Variants in KIAA1614 observed in about 807,000 individuals in gnomAD.
The protein encoded by KIAA1614 is uncharacterized protein KIAA1614.
A neutral mutation model predicts 88.7 loss-of-function variants in KIAA1614; 76 were observed. The ratio of observed to expected loss-of-function variants is 0.86; its 90% CI spans 0.71 to 1.04. The LOEUF is 1.04. Ranked by LOEUF, KIAA1614 falls within the 50% of genes least tolerant of loss-of-function variation. The pLI, the probability that KIAA1614 is intolerant of heterozygous loss-of-function variation, is 0.00. For synonymous variants in KIAA1614, 714 were observed against 675.5 expected, an observed-to-expected ratio of 1.06 and a Z score of -0.88; for missense variants, 1,553 against 1,582.5, an observed-to-expected ratio of 0.98 and a Z score of 0.32.
intron 4 of KIAA1614, among the ~76,000 whole-genome samples, chr1:180,930,167 C>G (rs1479050392): frequency 1.3e-5 from 2 of 152,158 alleles, no homozygotes; most frequent in African/African-American, 4.8e-5. Flanking sequence ...CGCCTGTAAT[C>G]CCACCACTTT....
chr1:180,916,657 C>G lies in KIAA1614; in HGVS notation c.554C>G (p.Pro185Arg). ...PGREYCNRGS[P>R]WPPEAEWTLP... Reference sequence around the variant, plus strand: ...CGTGAGTACTGCAACAGGGGGAGCCCGTGGCCTCCAGAAGCCGAATGGACA... The same window carrying G: ...CGTGAGTACTGCAACAGGGGGAGCCGGTGGCCTCCAGAAGCCGAATGGACA... The change falls in exon 2 of 9, where the codon CCG becomes CGG. Residue 185 changes from proline to arginine, a missense_variant. Coordinates refer to ENST00000367588, the MANE Select transcript of KIAA1614 (RefSeq NM_020950.2). 6.2e-7 allele frequency: 1 copy of G among 1,600,650 alleles called. No homozygotes were observed. Among genetic ancestry groups the G allele is most frequent in the South Asian group, 1.1e-5 (1 of 89,334 alleles).
intron 5 of KIAA1614, among the ~76,000 whole-genome samples, chr1:180,937,932 G>A (rs982002271): frequency 6.6e-6 from 1 of 152,208 alleles, no homozygotes; most frequent in African/African-American, 2.4e-5. Context: ...CCTTTACCTT[G>A]GAGCTTGAAG....
rs1465637754 is a variant in KIAA1614 at position 180,945,503 on chromosome 1, T to C, written c.3488T>C (p.Leu1163Pro). ...CCAGACTCAGGTATGCCCTCTCCTC[T>C]TCCTCAGCCCCATGGCTGGGGCGGC... ...GRPDSGMPSP[L>P]PQPHGWGGLS... Residue 1163 changes from leucine (L) to proline (P), a missense_variant, in exon 9 of 9, where the codon CTT becomes CCT. Physicochemically the swap from Leu to Pro is moderately conservative, Grantham distance 98. Transcript: ENST00000367588. The C allele has an allele frequency of 6.2e-7, 1 of 1,613,638 alleles. No individual in the cohort carries two copies. Among genetic ancestry groups the C allele is most frequent in the Admixed American group, 1.7e-5 (1 of 59,972 alleles).
At chr1:180,917,767 T>C (rs534575119) in intron 2 of KIAA1614, 84 bp from the exon 3 acceptor site, 5 of 1,109,728 alleles carry the variant, frequency 4.5e-6, no homozygotes, top group East Asian at 2.4e-5. Context: ...CTGGAGAAAC[T>C]CTTCTCCTCA....
At chr1:180,926,009 G>T (rs1006276347) in intron 3 of KIAA1614, among the ~76,000 whole-genome samples, 5 of 152,198 alleles carry the variant, frequency 3.3e-5, no homozygotes, top group Admixed American at 6.5e-5. Flanking sequence ...CTGAGGCCCA[G>T]GGAGGAAAAG....
rs767282754 is a variant in KIAA1614 at position 180,944,465 on chromosome 1, G to T, written c.3236G>T (p.Arg1079Leu). 1.2e-6 allele frequency: 2 copies of T among 1,613,834 alleles called. No homozygotes were observed. The highest frequency in any genetic ancestry group is 1.7e-6 in the Non-Finnish European group (2 of 1,179,816). Residue 1079 changes from arginine (R) to leucine (L), a missense_variant, in exon 8 of 9, where the codon CGG (arginine) becomes CTG (leucine). Coordinates refer to ENST00000367588, the MANE Select transcript of KIAA1614 (RefSeq NM_020950.2). ...TCTCTGCTGAGCAGCAAGGGGAACC[G>T]GTCCAGCCTCTACCTGGTAGCAGGG... ...LHSLLSSKGN[R>L]SSLYLVAGPG...
chr1:180,916,979 C>A lies in KIAA1614; in HGVS notation c.876C>A (p.Ser292=). The change falls in exon 2 of 9, where the codon TCC becomes TCA. Residue 292 remains serine (S), a synonymous_variant. Transcript: ENST00000367588. ...EALGAGSSVL[S]LSDRVERNRL... ...TGGGCGCTGGGAGCAGTGTCTTGTC[C>A]CTGTCTGATCGGGTGGAGAGAAACC... 6 of 1,614,136 alleles carry A rather than the reference C, an allele frequency of 3.7e-6. No homozygotes were observed. Among genetic ancestry groups the A allele is most frequent in the Non-Finnish European group, 4.2e-6 (5 of 1,180,036 alleles).
Position 180,951,126 on chromosome 1 carries a change from G to A in KIAA1614, c.*5538G>A, listed in dbSNP as rs150183364. On this transcript the variant is annotated 3_prime_UTR_variant, in exon 9 of 9. Coordinates refer to ENST00000367588, the MANE Select transcript of KIAA1614 (RefSeq NM_020950.2). ...CAGGAGTTTTATGCCCCTTCGGGGT[G>A]TGGGAATTCTGGGAGATGTTATCTG... is the stretch of plus-strand genomic sequence containing the variant. 1.9e-4 allele frequency: 29 copies of A among 152,372 alleles called. No individual in the cohort carries two copies. Among genetic ancestry groups the A allele is most frequent in the African/African-American group, 5.8e-4 (24 of 41,596 alleles). 9.4% of individuals were successfully genotyped at this position (152,372 alleles called of 1,614,324 possible). A position where few individuals can be genotyped will look rare whatever the true frequency, so the allele number is the denominator to read the frequency against.
Position 180,945,447 on chromosome 1 carries a change from C to G in KIAA1614, c.3432C>G (p.Phe1144Leu). ...LQLQRSPGGT[F>L]GFCVASGNGR... Reference sequence around the variant, plus strand: ...TGCAGCGCTCCCCAGGGGGCACTTTCGGCTTCTGCGTGGCCTCTGGGAATG... The same window carrying G: ...TGCAGCGCTCCCCAGGGGGCACTTTGGGCTTCTGCGTGGCCTCTGGGAATG... Residue 1144 changes from phenylalanine (F) to leucine (L), a missense_variant, in exon 9 of 9, where the codon TTC (phenylalanine) becomes TTG (leucine). Phe to Leu is a conservative substitution (Grantham distance 22, BLOSUM62 0). Coordinates refer to ENST00000367588, the MANE Select transcript of KIAA1614 (RefSeq NM_020950.2). 1 of 1,612,280 alleles carries G rather than the reference C, an allele frequency of 6.2e-7. No individual in the cohort carries two copies. The highest frequency in any genetic ancestry group is 8.5e-7 in the Non-Finnish European group (1 of 1,179,606).
At chr1:180,942,911 TA>T (rs1332967173) in intron 7 of KIAA1614, among the ~76,000 whole-genome samples, 1 of 151,872 alleles carries the variant, frequency 6.6e-6, no homozygotes, top group Non-Finnish European at 1.5e-5. Flanking sequence ...TTCAAGAAAA[TA>T]AAAAAGAAGA....
At chr1:180,913,392 C>A (rs1653704709) in intron 1 of KIAA1614, 99 bp downstream of exon 1, 1 of 768,330 alleles carries the variant, frequency 1.3e-6, no homozygotes, top group Non-Finnish European at 1.8e-6. Context: ...CACTGGGAAG[C>A]GGGCCTCCCA....
At chr1:180,921,219 G>GA (rs747236235) in intron 3 of KIAA1614, among the ~76,000 whole-genome samples, 62 of 16,104 alleles carry the variant, frequency 3.8e-3, no homozygotes, top group Admixed American at 4.4e-3. Flanking sequence ...GGGCAGGGGC[G>GA]GGGGGTCACA....
At chr1:180,923,425 A>T (rs530387707) in intron 3 of KIAA1614, among the ~76,000 whole-genome samples, 1 of 152,322 alleles carries the variant, frequency 6.6e-6, no homozygotes, top group African/African-American at 2.4e-5. Flanking sequence ...GCTGTGTGCC[A>T]GGTGCCAGGA....
intron 4 of KIAA1614, among the ~76,000 whole-genome samples, chr1:180,931,001 G>A (rs535961210): frequency 5.9e-5 from 9 of 151,866 alleles, no homozygotes; most frequent in South Asian, 2.1e-4. Context: ...GAAAGGTGAT[G>A]GAAGAGGAGG....
At chr1:180,934,091 C>T (rs1321927285) in intron 4 of KIAA1614, among the ~76,000 whole-genome samples, 1 of 152,102 alleles carries the variant, frequency 6.6e-6, no homozygotes, top group Non-Finnish European at 1.5e-5. Context: ...CCCGTCTCTA[C>T]TAAAAATACA....
rs1654575696 is a variant in KIAA1614 at position 180,945,666 on chromosome 1, TC to T, written c.*80del. 6.8e-7 allele frequency: 1 copy of T among 1,480,212 alleles called. No individual in the cohort carries two copies. Among genetic ancestry groups the T allele is most frequent in the Non-Finnish European group, 8.9e-7 (1 of 1,124,518 alleles). The allele number at this position is 1,480,212 out of a possible 1,614,324, so 91.7% of individuals were successfully genotyped here. On this transcript the variant is annotated 3_prime_UTR_variant, in exon 9 of 9. Transcript: ENST00000367588. ...CCCCTCAGGGGCTCTTTCTGAATTG[TC>T]CAGGGCTCTCTAGGAGTCTGCACCT...
At chr1:180,932,853 C>A (rs1294136242) in intron 4 of KIAA1614, among the ~76,000 whole-genome samples, 1 of 152,150 alleles carries the variant, frequency 6.6e-6, no homozygotes, top group Non-Finnish European at 1.5e-5. Flanking sequence ...AATTCTCATG[C>A]CTCAGCCTCC....
rs1025248410 is a variant in KIAA1614 at position 180,945,542 on chromosome 1, G to A, written c.3527G>A (p.Gly1176Asp). The A allele has an allele frequency of 5.0e-6, 8 of 1,613,588 alleles. No individual in the cohort carries two copies. The African/African-American group carries it at 1.1e-4, about 22-fold the overall frequency. The change falls in exon 9 of 9, where the codon GGC becomes GAC. Residue 1176 changes from glycine (G) to aspartate (D), a missense_variant. Physicochemically the swap from Gly to Asp is moderately conservative, Grantham distance 94. Coordinates refer to ENST00000367588, the MANE Select transcript of KIAA1614 (RefSeq NM_020950.2). Reference protein sequence around the residue: ...PHGWGGLSKQGRAFWLWSEAF... With the variant: ...PHGWGGLSKQDRAFWLWSEAF... The stretch of plus-strand genomic sequence containing the variant: ...GGCTGGGGCGGCCTTAGCAAACAAG[G>A]CAGGGCCTTCTGGCTGTGGTCAGAG...
Position 180,947,187 on chromosome 1 carries a change from T to G in KIAA1614, c.*1599T>G, listed in dbSNP as rs1041948866. On this transcript the variant is annotated 3_prime_UTR_variant, in exon 9 of 9. Coordinates refer to ENST00000367588, the MANE Select transcript of KIAA1614 (RefSeq NM_020950.2). ...AGGGGCGAGCCTGGCCTGTGAGAAC[T>G]GTGAGGGTCAGGCTGGACACTGCAG... The G allele has an allele frequency of 1.3e-5, 2 of 152,278 alleles. No homozygotes were observed. The highest frequency in any genetic ancestry group is 2.9e-5 in the Non-Finnish European group (2 of 68,112). The allele number at this position is 152,278 out of a possible 1,614,324, so 9.4% of individuals were successfully genotyped here.
Sources: gnomAD v4.1 joint callset for allele counts (sites outside exome capture counted in the v4.1 genomes callset) on GRCh38, gnomAD v4.1.1 for gene constraint, MANE v1.5 for transcripts, NCBI Gene and HGNC (gene_info 2026-07-23, HGNC 2026-07-21) for gene names.